Variants in PDSS2 observed in about 807,000 individuals in gnomAD.
The protein encoded by PDSS2 is decaprenyl diphosphate synthase subunit 2, also known as all trans-polyprenyl-diphosphate synthase PDSS2.
A neutral mutation model predicts 44.5 loss-of-function variants in PDSS2; 31 were observed. That is an observed-to-expected ratio of 0.70 (90% CI 0.52 to 0.94). The LOEUF is 0.94. PDSS2 is among the 40% of genes least tolerant of loss of function. The pLI is 0.00. For missense variants in PDSS2, 452 were observed against 482.2 expected (o/e 0.94, Z 0.59); for synonymous variants, 157 against 180.3 (o/e 0.87, Z 1.03).
intron 7 of PDSS2, among the ~76,000 whole-genome samples, chr6:107,178,900 C>G (rs1444013641): frequency 6.6e-6 from 1 of 152,154 alleles, no homozygotes; most frequent in African/African-American, 2.4e-5. Flanking sequence ...GTGAAGTCAG[C>G]AGACCTGAGT....
rs192411971 is a variant in PDSS2 at position 107,334,181 on chromosome 6, G to A, written c.431+17C>T. 2.8e-4 allele frequency: 446 copies of A among 1,611,506 alleles called. 1 individual carries two copies. In the African/African-American group the frequency reaches 4.1e-3, roughly 15 times the overall value. ...CACGATGTAGAGAGCAATGTCAAAA[G>A]ACTAAATTCTTCTTACCATGAGTAG... On this transcript the variant is annotated intron_variant, in intron 2 of 7. Coordinates refer to ENST00000369037, the MANE Select transcript of PDSS2 (RefSeq NM_020381.4).
intron 2 of PDSS2, among the ~76,000 whole-genome samples, chr6:107,326,188 C>T (rs1229713672): frequency 2.0e-5 from 3 of 151,538 alleles, no homozygotes; most frequent in Non-Finnish European, 4.4e-5. Flanking sequence ...CTGCAACCTC[C>T]GTCTCCCGGG....
chr6:107,295,910 T>C (rs1776493820), intron 2 of PDSS2, among the ~76,000 whole-genome samples: 2 of 152,180 alleles, frequency 1.3e-5, no homozygotes, highest in South Asian at 4.1e-4. Context: ...TGATGTTCAA[T>C]ACCACCACCA....
intron 2 of PDSS2, among the ~76,000 whole-genome samples, chr6:107,290,550 T>C (rs1562439420): frequency 6.6e-6 from 1 of 152,014 alleles, no homozygotes; most frequent in Non-Finnish European, 1.5e-5. Context: ...CTGACTTCAT[T>C]CCCTTTGCTT....
intron 5 of PDSS2, among the ~76,000 whole-genome samples, chr6:107,210,960 C>T (rs1238397024): frequency 6.7e-6 from 1 of 150,092 alleles, no homozygotes; most frequent in Non-Finnish European, 1.5e-5. Flanking sequence ...TGCGCCACTG[C>T]ACTCCCCTCT....
intron 1 of PDSS2, among the ~76,000 whole-genome samples, chr6:107,354,087 C>A (rs1354741788): frequency 6.6e-6 from 1 of 152,086 alleles, no homozygotes; most frequent in African/African-American, 2.4e-5. Context: ...ACAAGATGTA[C>A]TAATTTAGAC....
chr6:107,182,106 T>C (rs949691620), intron 7 of PDSS2, among the ~76,000 whole-genome samples: 2 of 151,670 alleles, frequency 1.3e-5, no homozygotes, highest in Non-Finnish European at 2.9e-5. Flanking sequence ...CATTAAGAAA[T>C]TAGAGGAACA....
At position 107,270,118 on chromosome 6, in the gene PDSS2, T is replaced by A. The variant is rs113184672; in HGVS notation, c.630+3911A>T. ...TCTGCTGAAGTGTATTATTATTATT[T>A]TTTTTTTGAGACCGAGATTCGCTCT... is the stretch of plus-strand genomic sequence containing the variant. On this transcript the variant is annotated intron_variant, in intron 3 of 7. Coordinates refer to ENST00000369037, the MANE Select transcript of PDSS2 (RefSeq NM_020381.4). 3.0e-3 allele frequency among the ~76,000 whole-genome samples: 453 copies of A among 152,134 alleles called. 1 individual carries two copies. The highest frequency in any genetic ancestry group is 7.9e-3 in the African/African-American group (327 of 41,508).
chr6:107,439,279 G>T (rs1049984030), intron 1 of PDSS2, among the ~76,000 whole-genome samples: 3 of 152,202 alleles, frequency 2.0e-5, no homozygotes, highest in Non-Finnish European at 4.4e-5. Context: ...CTGAAAAACA[G>T]CTCCTGGCTT....
At chr6:107,453,644 T>C (rs1299913589) in intron 1 of PDSS2, among the ~76,000 whole-genome samples, 2 of 152,212 alleles carry the variant, frequency 1.3e-5, no homozygotes, top group Non-Finnish European at 2.9e-5. Flanking sequence ...GTAGGTGGAA[T>C]GATTCCTCAA....
chr6:107,257,899 G>A (rs1346704745), intron 3 of PDSS2, among the ~76,000 whole-genome samples: 1 of 152,178 alleles, frequency 6.6e-6, no homozygotes, highest in Non-Finnish European at 1.5e-5. Context: ...TTAGGGGTGT[G>A]AGCCACCACT....
chr6:107,435,630 A>G (rs950225367), intron 1 of PDSS2, among the ~76,000 whole-genome samples: 1 of 152,140 alleles, frequency 6.6e-6, no homozygotes, highest in African/African-American at 2.4e-5. Context: ...CTGAAGATAA[A>G]TCTCATTTAT....
At chr6:107,229,326 AC>A (rs1337286820) in intron 4 of PDSS2, among the ~76,000 whole-genome samples, 1 of 152,054 alleles carries the variant, frequency 6.6e-6, no homozygotes, top group East Asian at 1.9e-4. Flanking sequence ...AGCTGGGGTT[AC>A]AGGCGTGCAC....
chr6:107,452,281 A>T (rs1395376359), intron 1 of PDSS2, among the ~76,000 whole-genome samples: 2 of 151,082 alleles, frequency 1.3e-5, no homozygotes, highest in Non-Finnish European at 2.9e-5. Context: ...TCTGTTGCCC[A>T]GGCTGGAGTG....
rs1774525416 is a variant in PDSS2, at chr6:107,243,993, T to TAATCCCAGCTACTTG, written c.702+1554_702+1555insCAAGTAGCTGGGATT. Among the ~76,000 whole-genome samples the TAATCCCAGCTACTTG allele has an allele frequency of 2.0e-5, 3 of 152,232 alleles. No homozygotes were observed. The East Asian group carries it at 5.8e-4, about 29-fold the overall frequency. On this transcript the variant is annotated intron_variant, in intron 4 of 7. Coordinates refer to ENST00000369037, the MANE Select transcript of PDSS2 (RefSeq NM_020381.4). Reference sequence around the variant, plus strand: ...AAAATACAAAATTAGCCAGGTGTGGTGGTGCATGCCTGTAATCCCAGCTAC... The same window carrying TAATCCCAGCTACTTG: ...AAAATACAAAATTAGCCAGGTGTGGTAATCCCAGCTACTTGGGTGCATGCCTGTAATCCCAGCTAC...
chr6:107,451,822 TCTTAA>T (rs1274071599), intron 1 of PDSS2, among the ~76,000 whole-genome samples: 3 of 152,266 alleles, frequency 2.0e-5, no homozygotes, highest in Non-Finnish European at 4.4e-5. Flanking sequence ...CCTTATGAAC[TCTTAA>T]CTTGTCTTTT....
intron 1 of PDSS2, among the ~76,000 whole-genome samples, chr6:107,359,160 G>A (rs956739333): frequency 7.9e-5 from 12 of 151,124 alleles, no homozygotes; most frequent in African/African-American, 2.4e-4. Context: ...ACAGGTGCAC[G>A]CCATCACGCC....
intron 1 of PDSS2, among the ~76,000 whole-genome samples, chr6:107,423,136 C>G (rs1031224834): frequency 2.6e-5 from 4 of 152,064 alleles, no homozygotes; most frequent in African/African-American, 7.2e-5. Context: ...TATGCTTGCT[C>G]ATCATGAAGT....
intron 2 of PDSS2, among the ~76,000 whole-genome samples, chr6:107,275,418 G>A (rs1005406411): frequency 1.3e-5 from 2 of 152,116 alleles, no homozygotes; most frequent in Non-Finnish European, 2.9e-5. Flanking sequence ...ATGGCCCCAT[G>A]TGAGTCATGT....
Sources: gnomAD v4.1 joint callset for allele counts (sites outside exome capture counted in the v4.1 genomes callset) on GRCh38, gnomAD v4.1.1 for gene constraint, MANE v1.5 for transcripts, NCBI Gene and HGNC (gene_info 2026-07-23, HGNC 2026-07-21) for gene names.